The following GBX2 variants were observed in gnomAD, a reference collection of about 807,000 sequenced individuals.
GBX2 encodes homeobox protein GBX-2.
In GBX2, 5 loss-of-function variants were observed where a neutral mutation model predicts 22.4. The ratio of observed to expected loss-of-function variants is 0.22; its 90% CI spans 0.12 to 0.47. The LOEUF (loss-of-function observed/expected upper bound fraction) is 0.47, where lower values mean the gene tolerates loss of function less well. Among genes scored for constraint, GBX2 ranks in the 20% least tolerant of loss-of-function variants. GBX2 has a pLI of 0.99. For missense variants in GBX2, 470 were observed against 495.4 expected (o/e 0.95, Z 0.49); for synonymous variants, 220 against 230.5 (o/e 0.95, Z 0.41).
chr2:236,167,520 C>A lies in GBX2; in HGVS notation c.452G>T (p.Gly151Val), dbSNP rs561631097. 1 of 1,597,160 alleles carries A rather than the reference C, an allele frequency of 6.3e-7. No individual in the cohort carries two copies. Among genetic ancestry groups the A allele is most frequent in the Non-Finnish European group, 8.5e-7 (1 of 1,175,216 alleles). Residue 151 changes from glycine to valine, a missense_variant, in exon 1 of 2, where the codon GGC (glycine) becomes GTC (valine). Gly to Val is a moderately radical substitution (Grantham distance 109). Coordinates refer to ENST00000306318, the MANE Select transcript of GBX2 (RefSeq NM_001485.4). ...AEALQADAEDGKGFLAKEGSL... is the reference protein window; with the variant it reads ...AEALQADAEDVKGFLAKEGSL... Reference sequence around the variant, plus strand: ...GCCCTCTTTGGCCAGGAAGCCTTTGCCGTCCTCCGCGTCAGCCTGCAGCGC... The same window carrying A: ...GCCCTCTTTGGCCAGGAAGCCTTTGACGTCCTCCGCGTCAGCCTGCAGCGC...
rs1217910478 is a variant in GBX2, at chr2:236,165,371, G to A, written c.*543C>T. Reference sequence around the variant, plus strand: ...GACGTGCTTCACATGGCTCAGATAGGATAGGCAACCCCAGGGGAAACCAAA... The same window carrying A: ...GACGTGCTTCACATGGCTCAGATAGAATAGGCAACCCCAGGGGAAACCAAA... On this transcript the variant is annotated 3_prime_UTR_variant, in exon 2 of 2. Coordinates refer to ENST00000306318, the MANE Select transcript of GBX2 (RefSeq NM_001485.4). The A allele has an allele frequency of 6.5e-6, 1 of 153,900 alleles. No homozygotes were observed. The highest frequency in any genetic ancestry group is 1.4e-5 in the Non-Finnish European group (1 of 69,218). The allele number at this position is 153,900 out of a possible 1,614,324, so 9.5% of individuals were successfully genotyped here. A position where few individuals can be genotyped will look rare whatever the true frequency, so the allele number is the denominator to read the frequency against.
At chr2:236,164,434 G>A (rs1255106306), downstream of GBX2, among the ~76,000 whole-genome samples, 1 of 152,154 alleles carries the variant, frequency 6.6e-6, no homozygotes, top group South Asian at 2.1e-4. Flanking sequence ...GTCCGGCAGC[G>A]AGCGGACAGG....
Position 236,167,612 on chromosome 2 carries a change from C to T in GBX2, c.360G>A (p.Glu120=). Residue 120 remains glutamate, a synonymous_variant, in exon 1 of 2, where the codon GAG becomes GAA. Coordinates refer to ENST00000306318, the MANE Select transcript of GBX2 (RefSeq NM_001485.4). ...GCGCGAACTTGCGGGCCGCTGCCGC[C>T]TCCTGGTGCTGGGGCGACGCGGAGA... ...GGFSASPQHQ[E]AAAARKFAPQ... 6.3e-7 allele frequency: 1 copy of T among 1,593,930 alleles called. No individual in the cohort carries two copies. Among genetic ancestry groups the T allele is most frequent in the Non-Finnish European group, 8.5e-7 (1 of 1,174,362 alleles).
rs1479312356 is a variant in GBX2 at position 236,166,529 on chromosome 2, G to GCCCCCCA, written c.524-99_524-93dup. The stretch of plus-strand genomic sequence containing the variant: ...GTCATTTGGACATTCCGCGCCCCCC[G>GCCCCCCA]CCCCCCACCCTTTAGCGGATTGTCT... On this transcript the variant is annotated intron_variant, in intron 1 of 1. Coordinates refer to ENST00000306318, the MANE Select transcript of GBX2 (RefSeq NM_001485.4). This position sits in a 1 kb window ranked among gnomAD's most constrained non-coding sequence, Gnocchi z 6.6. 73 of 1,095,014 alleles carry GCCCCCCA rather than the reference G, an allele frequency of 6.7e-5. No individual in the cohort carries two copies. The East Asian group carries it at 1.7e-3, about 26-fold the overall frequency. The allele number at this position is 1,095,014 out of a possible 1,614,324, so 67.8% of individuals were successfully genotyped here.
downstream of GBX2, among the ~76,000 whole-genome samples, chr2:236,163,228 C>A (rs1443415938): frequency 6.6e-6 from 1 of 152,200 alleles, no homozygotes; most frequent in African/African-American, 2.4e-5. Context: ...CCTTGGCCTC[C>A]CTGCCGGGCT....
rs202152349 is a variant in GBX2 at position 236,166,276 on chromosome 2, C to G, written c.685G>C (p.Glu229Gln). 2 of 1,613,788 alleles carry G rather than the reference C, an allele frequency of 1.2e-6. No homozygotes were observed. ...GCGCCGCTGCTCGGCGGGGTCTCCT[C>G]CAGCGCGTGGCCCGGGTCTTCCTCC... ...HKEEDPGHALEETPPSSGAAG... is the reference protein window; with the variant it reads ...HKEEDPGHALQETPPSSGAAG... The change falls in exon 2 of 2, where the codon GAG (glutamate) becomes CAG (glutamine). Residue 229 changes from glutamate (E) to glutamine (Q), a missense_variant. Glu to Gln is a conservative substitution (Grantham distance 29). Transcript: ENST00000306318. The surrounding 1 kb of genome is among the most constrained non-coding windows in gnomAD (Gnocchi z 6.6).
Position 236,167,631 on chromosome 2 carries a change from G to A in GBX2, c.341C>T (p.Ala114Val). 6.3e-7 allele frequency: 1 copy of A among 1,593,418 alleles called. No individual in the cohort carries two copies. The highest frequency in any genetic ancestry group is 8.5e-7 in the Non-Finnish European group (1 of 1,174,774). ...LMATLPGGFS[A>V]SPQHQEAAAA... Reference sequence around the variant, plus strand: ...TGCCGCCTCCTGGTGCTGGGGCGACGCGGAGAAGCCGCCGGGGAGCGTGGC... The same window carrying A: ...TGCCGCCTCCTGGTGCTGGGGCGACACGGAGAAGCCGCCGGGGAGCGTGGC... The change falls in exon 1 of 2, where the codon GCG becomes GTG. Residue 114 changes from alanine (A) to valine (V), a missense_variant. Ala to Val is a moderately conservative substitution (Grantham distance 64). Transcript: ENST00000306318.
chr2:236,166,870 T>A lies in GBX2; in HGVS notation c.524-433A>T, dbSNP rs891447963. 2.6e-5 allele frequency among the ~76,000 whole-genome samples: 4 copies of A among 152,114 alleles called. No individual in the cohort carries two copies. Among genetic ancestry groups the A allele is most frequent in the South Asian group, 2.1e-4 (1 of 4,818 alleles). Reference sequence around the variant, plus strand: ...GAAAATGTAGTGAACCTCAATTGCTTCCTAACCGGAGTGGAGGCGTAGGGA... The same window carrying A: ...GAAAATGTAGTGAACCTCAATTGCTACCTAACCGGAGTGGAGGCGTAGGGA... On this transcript the variant is annotated intron_variant, in intron 1 of 1. Coordinates refer to ENST00000306318, the MANE Select transcript of GBX2 (RefSeq NM_001485.4). This position sits in a 1 kb window ranked among gnomAD's most constrained non-coding sequence, Gnocchi z 6.6.
chr2:236,165,011 G>T (rs2060230255), downstream of GBX2, among the ~76,000 whole-genome samples: 1 of 152,190 alleles, frequency 6.6e-6, no homozygotes, highest in Non-Finnish European at 1.5e-5. Context: ...GGGGGAGATA[G>T]ATTTCTAAGG....
rs1307055131 is a variant in GBX2 at position 236,166,047 on chromosome 2, A to G, written c.914T>C (p.Val305Ala). The change falls in exon 2 of 2, where the codon GTG becomes GCG. Residue 305 changes from valine to alanine, a missense_variant. Around this residue, in one of 4 missense-constraint regions of GBX2, gnomAD observed 50 missense variants for 59.1 expected, o/e 0.85. Transcript: ENST00000306318. This position sits in a 1 kb window ranked among gnomAD's most constrained non-coding sequence, Gnocchi z 6.6. ...FQNRRAKWKRVKAGNANSKTG... is the reference protein window; with the variant it reads ...FQNRRAKWKRAKAGNANSKTG... ...CTTGGAATTGGCATTGCCTGCCTTC[A>G]CCCGTTTCCACTTGGCCCGTCGGTT... 3.1e-6 allele frequency: 5 copies of G among 1,614,180 alleles called. No homozygotes were observed. Among genetic ancestry groups the G allele is most frequent in the Non-Finnish European group, 4.2e-6 (5 of 1,180,040 alleles).
At chr2:236,163,094 A>G (rs1261214695), downstream of GBX2, among the ~76,000 whole-genome samples, 2 of 152,068 alleles carry the variant, frequency 1.3e-5, no homozygotes, top group Admixed American at 6.5e-5. Context: ...GCGATTGACA[A>G]TTTTTCTCTC....
At chr2:236,162,674 G>T (rs2060218404), downstream of GBX2, among the ~76,000 whole-genome samples, 1 of 152,196 alleles carries the variant, frequency 6.6e-6, no homozygotes, top group Admixed American at 6.5e-5. Flanking sequence ...GCTGCGGGGT[G>T]CAGGCAGCCC....
intron 1 of GBX2, chr2:236,167,064 G>A: frequency 7.5e-7 from 1 of 1,341,252 alleles, no homozygotes; most frequent in Non-Finnish European, 1.0e-6. Flanking sequence ...GGTTTAAAAA[G>A]TCTGGGCGCC....
At chr2:236,164,176 T>C (rs1349367742), downstream of GBX2, among the ~76,000 whole-genome samples, 1 of 151,940 alleles carries the variant, frequency 6.6e-6, no homozygotes, top group African/African-American at 2.4e-5. Context: ...TAAGTCAATA[T>C]TAGTACTAAC....
Position 236,167,831 on chromosome 2 carries a change from G to A in GBX2, c.141C>T (p.Phe47=). Residue 47 remains phenylalanine (F), a synonymous_variant, in exon 1 of 2, where the codon TTC becomes TTT. Coordinates refer to ENST00000306318, the MANE Select transcript of GBX2 (RefSeq NM_001485.4). ...GCAGCACTACCGGCCGGTAGGGCAT[G>A]AACATGGGGTAGCCGGTGTAGACGA... ...GHFVYTGYPM[F]MPYRPVVLPP... 6.7e-6 allele frequency: 10 copies of A among 1,483,058 alleles called. No individual in the cohort carries two copies. The highest frequency in any genetic ancestry group is 9.0e-6 in the Non-Finnish European group (10 of 1,114,794). 91.9% of individuals were successfully genotyped at this position (1,483,058 alleles called of 1,614,324 possible). A position where few individuals can be genotyped will look rare whatever the true frequency, so the allele number is the denominator to read the frequency against.
chr2:236,166,570 A>C lies in GBX2; in HGVS notation c.524-133T>G. On this transcript the variant is annotated intron_variant, in intron 1 of 1. Coordinates refer to ENST00000306318, the MANE Select transcript of GBX2 (RefSeq NM_001485.4). The surrounding 1 kb of genome is among the most constrained non-coding windows in gnomAD (Gnocchi z 6.6). ...CGGATTGTCTTTCTATGACATTAAC[A>C]CATTGTGATTTCCTGGCCTTTGAGG... The C allele has an allele frequency of 6.4e-5, 46 of 714,252 alleles. No individual in the cohort carries two copies. Among genetic ancestry groups the C allele is most frequent in the Non-Finnish European group, 8.1e-5 (35 of 432,404 alleles). 44.2% of individuals were successfully genotyped at this position (714,252 alleles called of 1,614,324 possible).
At chr2:236,167,100 C>A in intron 1 of GBX2, 2 of 1,526,858 alleles carry the variant, frequency 1.3e-6, no homozygotes, top group Non-Finnish European at 1.8e-6. Flanking sequence ...GGCTGAGACG[C>A]GCAGCCCAAC....
chr2:236,167,544 G>A lies in GBX2; in HGVS notation c.428C>T (p.Ala143Val), dbSNP rs767984966. ...PGGGNFDKAE[A>V]LQADAEDGKG... ...GCCGTCCTCCGCGTCAGCCTGCAGC[G>A]CCTCCGCCTTGTCGAAGTTACCGCC... Residue 143 changes from alanine to valine, a missense_variant, in exon 1 of 2, where the codon GCG (alanine) becomes GTG (valine). Ala to Val is a moderately conservative substitution (Grantham distance 64). Coordinates refer to ENST00000306318, the MANE Select transcript of GBX2 (RefSeq NM_001485.4). 6.3e-7 allele frequency: 1 copy of A among 1,599,140 alleles called. No individual in the cohort carries two copies. The highest frequency in any genetic ancestry group is 2.3e-5 in the East Asian group (1 of 44,124).
chr2:236,162,930 T>G (rs945139082), downstream of GBX2, among the ~76,000 whole-genome samples: 8 of 152,184 alleles, frequency 5.3e-5, no homozygotes, highest in Non-Finnish European at 1.2e-4. Context: ...GGGAGTTAAT[T>G]TGAAGCTCAG....
Sources: gnomAD v4.1 joint callset for allele counts (sites outside exome capture counted in the v4.1 genomes callset) on GRCh38, gnomAD v4.1.1 for gene constraint, gnomAD v4.1.1 regional missense constraint, Gnocchi (gnomAD v3.1) non-coding constraint, MANE v1.5 for transcripts, NCBI Gene and HGNC (gene_info 2026-07-23, HGNC 2026-07-21) for gene names.